PCDHGB1: variants seen among roughly 807,000 people sequenced by gnomAD.
PCDHGB1 encodes the protein protocadherin gamma-B1.
A neutral mutation model predicts 56.6 loss-of-function variants in PCDHGB1; 34 were observed. That is an observed-to-expected ratio of 0.60 (90% CI 0.46 to 0.80). The LOEUF (loss-of-function observed/expected upper bound fraction) is 0.80, where lower values mean the gene tolerates loss of function less well. PCDHGB1 is among the 30% of genes least tolerant of loss of function. PCDHGB1 has a pLI of 0.00. For synonymous variants in PCDHGB1, 561 were observed against 505.9 expected, an observed-to-expected ratio of 1.11 and a Z score of -1.46; for missense variants, 1,278 against 1,204.6, an observed-to-expected ratio of 1.06 and a Z score of -0.90.
intron 1 of PCDHGB1, among the ~76,000 whole-genome samples, chr5:141,469,004 C>T (rs570896326): frequency 3.3e-5 from 5 of 151,802 alleles, no homozygotes; most frequent in Admixed American, 2.0e-4. Flanking sequence ...TTGCTGGGTG[C>T]GGTGGGTCAC....
At chr5:141,413,352 G>T in intron 1 of PCDHGB1, 11 of 1,613,976 alleles carry the variant, frequency 6.8e-6, no homozygotes, top group Non-Finnish European at 9.3e-6. Flanking sequence ...TGGGTCTGGC[G>T]CCCCGGGAGC....
chr5:141,433,379 CTAT>C (rs2097594474), intron 1 of PCDHGB1, among the ~76,000 whole-genome samples: 1 of 151,230 alleles, frequency 6.6e-6, no homozygotes, highest in Non-Finnish European at 1.5e-5. Context: ...ATCTATCTAT[CTAT>C]CTATCTATCT....
At chr5:141,383,385 G>A in intron 1 of PCDHGB1, 2 of 1,613,962 alleles carry the variant, frequency 1.2e-6, no homozygotes, top group South Asian at 2.2e-5. Flanking sequence ...ATCCAGATGT[G>A]GGCACGAACT....
intron 1 of PCDHGB1, chr5:141,393,347 C>A: frequency 6.2e-7 from 1 of 1,613,980 alleles, no homozygotes; most frequent in Non-Finnish European, 8.5e-7. Context: ...ATCACCACTT[C>A]TCCCTGGACG....
chr5:141,461,902 C>A (rs1477274695), intron 1 of PCDHGB1, among the ~76,000 whole-genome samples: 1 of 152,116 alleles, frequency 6.6e-6, no homozygotes, highest in African/African-American at 2.4e-5. Flanking sequence ...CGGCTCACTG[C>A]AACCTCTGCC....
intron 1 of PCDHGB1, chr5:141,372,614 C>T: frequency 1.2e-6 from 2 of 1,613,984 alleles, no homozygotes; most frequent in East Asian, 4.5e-5. Context: ...CTGGAGTTCT[C>T]CCCACCTACA....
chr5:141,372,091 C>A, intron 1 of PCDHGB1: 2 of 1,613,774 alleles, frequency 1.2e-6, no homozygotes, highest in Non-Finnish European at 1.7e-6. Flanking sequence ...CTGTACCCAG[C>A]TCTGGGGCCC....
rs752604165 is a variant in PCDHGB1, at chr5:141,494,771, G to A, written c.2410-36G>A. On this transcript the variant is annotated intron_variant, in intron 1 of 3. Coordinates refer to ENST00000523390, the MANE Select transcript of PCDHGB1 (RefSeq NM_018922.3). ...CTCGGGTGACATTCTAACTTCTCAC[G>A]GGTACTCAGCCCCTTTCCCTCTGTT... 74 of 1,613,730 alleles carry A rather than the reference G, an allele frequency of 4.6e-5. No homozygotes were observed. The East Asian group carries it at 1.6e-3, about 36-fold the overall frequency.
intron 1 of PCDHGB1, chr5:141,366,190 G>T (rs758700678): frequency 3.1e-6 from 5 of 1,613,816 alleles, no homozygotes; most frequent in African/African-American, 1.3e-5. Context: ...TTGCGGTTGG[G>T]CTGCACACGG....
chr5:141,481,913 CAAAAAAAA>C (rs34114744), intron 1 of PCDHGB1, among the ~76,000 whole-genome samples: 1 of 90,852 alleles, frequency 1.1e-5, no homozygotes, highest in African/African-American at 4.2e-5. Flanking sequence ...AACTCCATCT[CAAAAAAAA>C]AAAAAAAAAA....
At chr5:141,419,617 C>G (rs780077182) in intron 1 of PCDHGB1, 1 of 1,612,280 alleles carries the variant, frequency 6.2e-7, no homozygotes. Flanking sequence ...AGCCAGGCTA[C>G]CTGGTGACCA....
chr5:141,365,265 C>A lies in PCDHGB1; in HGVS notation c.2409+12596C>A, dbSNP rs759196627. ...CTACAATCACTGGACTATGAAGAAT[C>A]CAGATTCTACCTCATGGAAGTGGTA... is the stretch of plus-strand genomic sequence containing the variant. On this transcript the variant is annotated intron_variant, in intron 1 of 3. Transcript: ENST00000523390. 53 of 1,613,846 alleles carry A rather than the reference C, an allele frequency of 3.3e-5. 1 individual carries two copies. The South Asian group carries it at 5.4e-4, about 16-fold the overall frequency.
chr5:141,392,299 T>C (rs1165805349), intron 1 of PCDHGB1: 1 of 151,994 alleles, frequency 6.6e-6, no homozygotes, highest in African/African-American at 2.4e-5. Flanking sequence ...GAAATGAAAG[T>C]ATCATGTTTT....
intron 1 of PCDHGB1, chr5:141,421,725 C>T: frequency 6.2e-7 from 1 of 1,613,960 alleles, no homozygotes; most frequent in Non-Finnish European, 8.5e-7. Context: ...TGGGCGTGAA[C>T]TCCCTCCAGA....
chr5:141,450,104 T>A (rs1041853602), intron 1 of PCDHGB1, among the ~76,000 whole-genome samples: 1 of 150,664 alleles, frequency 6.6e-6, no homozygotes, highest in African/African-American at 2.5e-5. Flanking sequence ...CCTCCCAGGT[T>A]CAAATGATTC....
intron 1 of PCDHGB1, among the ~76,000 whole-genome samples, chr5:141,443,521 T>A (rs2098392520): frequency 6.6e-6 from 1 of 152,156 alleles, no homozygotes; most frequent in Admixed American, 6.6e-5. Context: ...TCTCTCCTTA[T>A]GACTTATTTA....
At position 141,350,906 on chromosome 5, in the gene PCDHGB1, G is replaced by A. The variant is rs868300489; in HGVS notation, c.646G>A (p.Asp216Asn). The change falls in exon 1 of 4, where the codon GAC (aspartate) becomes AAC (asparagine). Residue 216 changes from aspartate to asparagine, a missense_variant. Transcript: ENST00000523390. ...AATCCTGACTGCCATGGATGGCGGGGACCCGCCTCTAAGCGGCACCACCCA... is the reference window on the plus strand; with the variant it reads ...AATCCTGACTGCCATGGATGGCGGGAACCCGCCTCTAAGCGGCACCACCCA... ...RLILTAMDGG[D>N]PPLSGTTHIW... is the part of the protein sequence containing the mutation. 3.1e-6 allele frequency: 5 copies of A among 1,613,858 alleles called. No homozygotes were observed. The highest frequency in any genetic ancestry group is 1.3e-5 in the African/African-American group (1 of 74,936).
At chr5:141,384,661 G>C (rs777530436) in intron 1 of PCDHGB1, 1 of 1,614,226 alleles carries the variant, frequency 6.2e-7, no homozygotes. Context: ...CGGCTACCTG[G>C]TGACCAAGGT....
intron 1 of PCDHGB1, chr5:141,433,358 CCTATCTATCTAT>C (rs3074541): frequency 0.01 from 5,256 of 504,010 alleles, 38 homozygotes; most frequent in Non-Finnish European, 0.014. Flanking sequence ...CTACTGTCTG[CCTATCTATCTAT>C]CTATCTATCT....
Sources: gnomAD v4.1 joint callset for allele counts (sites outside exome capture counted in the v4.1 genomes callset) on GRCh38, gnomAD v4.1.1 for gene constraint, MANE v1.5 for transcripts, NCBI Gene and HGNC (gene_info 2026-07-23, HGNC 2026-07-21) for gene names.